Variants in PRKG2 observed in about 807,000 individuals in gnomAD.
The protein encoded by PRKG2 is protein kinase cGMP-dependent 2.
A neutral mutation model predicts 97.2 loss-of-function variants in PRKG2; 33 were observed. The ratio of observed to expected loss-of-function variants is 0.34; its 90% CI spans 0.26 to 0.45. The LOEUF (loss-of-function observed/expected upper bound fraction) is 0.45. PRKG2 is among the 20% of genes least tolerant of loss of function. The pLI is 1.00. For missense variants in PRKG2, 638 were observed against 900.0 expected (o/e 0.71, Z 3.73); for synonymous variants, 330 against 321.8 (o/e 1.03, Z -0.27).
intron 6 of PRKG2, among the ~76,000 whole-genome samples, chr4:81,159,189 G>A (rs1560591010): frequency 6.6e-6 from 1 of 151,658 alleles, no homozygotes; most frequent in Non-Finnish European, 1.5e-5. Context: ...CAAAATGGGA[G>A]AAAATTTTTG....
chr4:81,138,101 C>A (rs1225016665), intron 12 of PRKG2, among the ~76,000 whole-genome samples: 1 of 152,080 alleles, frequency 6.6e-6, no homozygotes, highest in East Asian at 1.9e-4. Flanking sequence ...GATGCATGTC[C>A]CCAAAGAGAG....
intron 17 of PRKG2, among the ~76,000 whole-genome samples, chr4:81,100,408 C>T (rs1479745593): frequency 6.6e-6 from 1 of 152,010 alleles, no homozygotes; most frequent in African/African-American, 2.4e-5. Context: ...GAAATAATGC[C>T]GCACATCTAC....
chr4:81,185,933 T>C (rs551855126), intron 2 of PRKG2, among the ~76,000 whole-genome samples: 1 of 152,284 alleles, frequency 6.6e-6, no homozygotes, highest in East Asian at 1.9e-4. Flanking sequence ...TTATCCTAAA[T>C]ACATATGCAC....
At chr4:81,099,881 C>A (rs1183782937) in intron 17 of PRKG2, among the ~76,000 whole-genome samples, 1 of 152,120 alleles carries the variant, frequency 6.6e-6, no homozygotes, top group Non-Finnish European at 1.5e-5. Context: ...GATACAAAAT[C>A]AATGTGCAAA....
intron 11 of PRKG2, among the ~76,000 whole-genome samples, chr4:81,142,244 G>T (rs562521112): frequency 6.6e-6 from 1 of 152,160 alleles, no homozygotes; most frequent in African/African-American, 2.4e-5. Context: ...ACTACAGAAG[G>T]CTTCTCTTCA....
chr4:81,213,634 T>G (rs1415218166), intron 1 of PRKG2, among the ~76,000 whole-genome samples: 1 of 152,070 alleles, frequency 6.6e-6, no homozygotes, highest in African/African-American at 2.4e-5. Context: ...TAATGAAAAT[T>G]TGAAAATGTC....
Position 81,205,033 on chromosome 4 carries a change from T to C in PRKG2, c.15A>G (p.Ser5=), listed in dbSNP as rs1753570429. The change falls in exon 2 of 19, where the codon TCA becomes TCG. Residue 5 remains serine (S), a synonymous_variant. Coordinates refer to ENST00000264399, the MANE Select transcript of PRKG2 (RefSeq NM_006259.3). MGNG[S]VKPKHSKHPD... is the part of the protein sequence containing the mutation. Reference sequence around the variant, plus strand: ...GGTGCTTAGAATGTTTAGGTTTCACTGAACCATTTCCCATTTTGCTCAGGG... The same window carrying C: ...GGTGCTTAGAATGTTTAGGTTTCACCGAACCATTTCCCATTTTGCTCAGGG... 1 of 1,606,596 alleles carries C rather than the reference T, an allele frequency of 6.2e-7. No homozygotes were observed. Among genetic ancestry groups the C allele is most frequent in the Non-Finnish European group, 8.5e-7 (1 of 1,176,444 alleles).
intron 16 of PRKG2, 80 bp from the exon 17 acceptor site, chr4:81,104,512 CTTAACA>C (rs562829880): frequency 3.1e-6 from 2 of 654,612 alleles, no homozygotes; most frequent in African/African-American, 3.9e-5. Context: ...TAAATTAAAA[CTTAACA>C]TCTATTTGTT....
chr4:81,142,663 C>G, intron 11 of PRKG2, 131 bp downstream of exon 11: 1 of 1,188,770 alleles, frequency 8.4e-7, no homozygotes, highest in Non-Finnish European at 1.1e-6. Flanking sequence ...AGTTTACTTT[C>G]TCAATTTCAG....
intron 6 of PRKG2, among the ~76,000 whole-genome samples, chr4:81,154,782 G>A (rs1314496074): frequency 6.6e-6 from 1 of 152,180 alleles, no homozygotes; most frequent in African/African-American, 2.4e-5. Context: ...TGACTTTGAC[G>A]AGCTGCGAGA....
At chr4:81,196,323 A>G (rs1233289602) in intron 2 of PRKG2, among the ~76,000 whole-genome samples, 2 of 152,224 alleles carry the variant, frequency 1.3e-5, no homozygotes, top group Admixed American at 6.5e-5. Context: ...GATGACTTAA[A>G]TAAGTCACAC....
intron 7 of PRKG2, among the ~76,000 whole-genome samples, chr4:81,153,123 T>C (rs114359354): frequency 0.021 from 3,180 of 152,348 alleles, 53 homozygotes; most frequent in Middle Eastern, 0.082. Flanking sequence ...AAAAGACTTA[T>C]TGTACATGTT....
chr4:81,187,455 A>AGGTATTGATG (rs1751985855), intron 2 of PRKG2, among the ~76,000 whole-genome samples: 1 of 150,638 alleles, frequency 6.6e-6, no homozygotes. Context: ...TCAATGAACT[A>AGGTATTGATG]CGAGCGTATC....
At chr4:81,164,301 C>A (rs1238588641) in intron 6 of PRKG2, among the ~76,000 whole-genome samples, 1 of 152,098 alleles carries the variant, frequency 6.6e-6, no homozygotes, top group African/African-American at 2.4e-5. Context: ...AGAGGCAGAA[C>A]CACAAGCCCT....
chr4:81,157,060 G>C (rs1749167125), intron 6 of PRKG2, among the ~76,000 whole-genome samples: 1 of 151,834 alleles, frequency 6.6e-6, no homozygotes, highest in Admixed American at 6.6e-5. Context: ...GCTAGCAGAA[G>C]GCAAAAAATA....
intron 18 of PRKG2, among the ~76,000 whole-genome samples, chr4:81,091,040 A>T (rs1047684313): frequency 1.3e-5 from 2 of 152,192 alleles, no homozygotes; most frequent in Admixed American, 1.3e-4. Flanking sequence ...ACAAATTTTA[A>T]ATCTAAAATT....
chr4:81,190,707 C>A (rs1347696080), intron 2 of PRKG2, among the ~76,000 whole-genome samples: 2 of 152,022 alleles, frequency 1.3e-5, no homozygotes, highest in East Asian at 3.9e-4. Flanking sequence ...GGGCTAATAT[C>A]CAGAATCCCC....
At chr4:81,106,386 A>G (rs1743342572) in intron 15 of PRKG2, among the ~76,000 whole-genome samples, 1 of 152,138 alleles carries the variant, frequency 6.6e-6, no homozygotes, top group Non-Finnish European at 1.5e-5. Flanking sequence ...GAGGTCCTGC[A>G]TAGTGAAGTG....
upstream of PRKG2, among the ~76,000 whole-genome samples, chr4:81,216,536 T>TA (rs566069045): frequency 6.6e-6 from 1 of 151,864 alleles, no homozygotes; most frequent in East Asian, 1.9e-4. Context: ...GTCTTCACTT[T>TA]AAAAAAAAAT....
Sources: gnomAD v4.1 joint callset for allele counts (sites outside exome capture counted in the v4.1 genomes callset) on GRCh38, gnomAD v4.1.1 for gene constraint, MANE v1.5 for transcripts, NCBI Gene and HGNC (gene_info 2026-07-23, HGNC 2026-07-21) for gene names.